The following PLXNA2 variants were observed in gnomAD, a reference collection of about 807,000 sequenced individuals.
PLXNA2 encodes the protein plexin-A2.
In PLXNA2, 91 loss-of-function variants were observed where a neutral mutation model predicts 193.5. The ratio of observed to expected loss-of-function variants is 0.47; its 90% CI spans 0.40 to 0.56. The LOEUF (loss-of-function observed/expected upper bound fraction) is 0.56, where lower values mean the gene tolerates loss of function less well. Ranked by LOEUF, PLXNA2 falls within the 20% of genes least tolerant of loss-of-function variation. The pLI, the probability that PLXNA2 is intolerant of heterozygous loss-of-function variation, is 0.00. For synonymous variants in PLXNA2, 997 were observed against 1,027.3 expected (o/e 0.97, Z 0.56); for missense variants, 1,995 against 2,503.2 (o/e 0.80, Z 4.33).
intron 3 of PLXNA2, among the ~76,000 whole-genome samples, chr1:208,144,027 G>A (rs776635738): frequency 1.3e-5 from 2 of 152,156 alleles, no homozygotes; most frequent in Non-Finnish European, 2.9e-5. Flanking sequence ...ACTCCTTAGG[G>A]CTGAATCAAA....
intron 14 of PLXNA2, 27 bp downstream of exon 14, chr1:208,054,394 G>A (rs1665358673): frequency 6.6e-7 from 1 of 1,505,604 alleles, no homozygotes; most frequent in Admixed American, 1.7e-5. Flanking sequence ...CTGGGCACCT[G>A]CACCTGGCCC....
At chr1:208,123,414 C>A (rs1281444171) in intron 4 of PLXNA2, among the ~76,000 whole-genome samples, 1 of 152,170 alleles carries the variant, frequency 6.6e-6, no homozygotes, top group Non-Finnish European at 1.5e-5. Context: ...CAGCTGGATT[C>A]TTTCATTTTT....
intron 1 of PLXNA2, among the ~76,000 whole-genome samples, chr1:208,240,044 T>C (rs1475525823): frequency 6.6e-6 from 1 of 152,230 alleles, no homozygotes; most frequent in Non-Finnish European, 1.5e-5. Context: ...AGGCGGTTAA[T>C]GGTTAACCAA....
chr1:208,071,363 C>T (rs1420635646), intron 12 of PLXNA2, among the ~76,000 whole-genome samples: 1 of 152,250 alleles, frequency 6.6e-6, no homozygotes, highest in East Asian at 1.9e-4. Flanking sequence ...ACAGCTTCTC[C>T]TCTCTTTCCT....
intron 26 of PLXNA2, among the ~76,000 whole-genome samples, chr1:208,036,649 C>A (rs1664678251): frequency 6.6e-6 from 1 of 152,186 alleles, no homozygotes; most frequent in Admixed American, 6.5e-5. Context: ...TCATCACAGT[C>A]TCCCAAAGGG....
rs537264075 is a variant in PLXNA2, at chr1:208,027,668, T to C, written c.5590-330A>G. Among the ~76,000 whole-genome samples, 4 of 152,354 alleles carry C rather than the reference T, an allele frequency of 2.6e-5. No individual in the cohort carries two copies. In the South Asian group the frequency reaches 8.3e-4, roughly 32 times the overall value. ...TAATCAATCTCTATTCATATTAGGG[T>C]CCACCTGTCTATCTGAAATGTAACT... On this transcript the variant is annotated intron_variant, in intron 31 of 31. Transcript: ENST00000367033.
chr1:208,039,473 T>A (rs1240746439), intron 24 of PLXNA2, 148 bp downstream of exon 24: 1 of 1,090,300 alleles, frequency 9.2e-7, no homozygotes, highest in Non-Finnish European at 1.3e-6. Flanking sequence ...ACCTTGCTCT[T>A]GGTACACTTA....
intron 4 of PLXNA2, among the ~76,000 whole-genome samples, chr1:208,113,379 C>G (rs531886267): frequency 1.3e-5 from 2 of 152,276 alleles, no homozygotes; most frequent in South Asian, 4.1e-4. Context: ...GAGCCTGAGT[C>G]TAGCCTTACC....
chr1:208,084,288 G>T (rs1395470607), intron 10 of PLXNA2, 92 bp downstream of exon 10: 1 of 1,349,960 alleles, frequency 7.4e-7, no homozygotes, highest in Non-Finnish European at 1.0e-6. Context: ...AACCTGGAAG[G>T]CTCCGGAAGC....
chr1:208,069,610 G>C (rs1462765961), intron 12 of PLXNA2, among the ~76,000 whole-genome samples: 6 of 152,130 alleles, frequency 3.9e-5, no homozygotes, highest in Non-Finnish European at 7.4e-5. Flanking sequence ...TGAGTGCTCA[G>C]GTGGGCTGTT....
intron 29 of PLXNA2, chr1:208,030,484 G>T (rs867108644): frequency 1.0e-6 from 1 of 965,792 alleles, no homozygotes; most frequent in South Asian, 5.0e-5. Context: ...GCCTGTCCTG[G>T]CAAAGTGGAC....
intron 4 of PLXNA2, among the ~76,000 whole-genome samples, chr1:208,131,188 T>C (rs1214168308): frequency 6.6e-6 from 1 of 152,146 alleles, no homozygotes; most frequent in Non-Finnish European, 1.5e-5. Context: ...CAATTGCGCT[T>C]GTCTCCAGGG....
intron 4 of PLXNA2, among the ~76,000 whole-genome samples, chr1:208,122,624 C>T (rs962799223): frequency 1.3e-5 from 2 of 151,890 alleles, no homozygotes; most frequent in East Asian, 1.9e-4. Context: ...AAGGAAAGCC[C>T]GTGAGATGCA....
intron 3 of PLXNA2, among the ~76,000 whole-genome samples, chr1:208,205,287 T>A (rs1031881651): frequency 6.6e-6 from 1 of 152,158 alleles, no homozygotes; most frequent in South Asian, 2.1e-4. Context: ...TTGCACTTAA[T>A]CTCTATCATC....
At chr1:208,193,203 C>T (rs1383262917) in intron 3 of PLXNA2, among the ~76,000 whole-genome samples, 1 of 152,190 alleles carries the variant, frequency 6.6e-6, no homozygotes, top group Non-Finnish European at 1.5e-5. Flanking sequence ...TTCATTTGCT[C>T]AAAGACAGCA....
At chr1:208,030,546 T>C (rs1456461378) in intron 29 of PLXNA2, 2 of 985,300 alleles carry the variant, frequency 2.0e-6, no homozygotes, top group Admixed American at 6.1e-5. Flanking sequence ...CACTCCACTG[T>C]GATCAAAGCT....
intron 5 of PLXNA2, among the ~76,000 whole-genome samples, chr1:208,100,682 ATGTT>A (rs1377765257): frequency 6.6e-6 from 1 of 152,196 alleles, no homozygotes; most frequent in East Asian, 1.9e-4. Context: ...TTTTAAATAA[ATGTT>A]TGTGTCACGA....
intron 4 of PLXNA2, among the ~76,000 whole-genome samples, chr1:208,106,814 T>C (rs555805236): frequency 6.6e-6 from 1 of 152,370 alleles, no homozygotes; most frequent in South Asian, 2.1e-4. Flanking sequence ...TTTATTTCTA[T>C]CTGACAGTGC....
At chr1:208,072,708 T>C (rs1489265813) in intron 12 of PLXNA2, among the ~76,000 whole-genome samples, 1 of 152,184 alleles carries the variant, frequency 6.6e-6, no homozygotes, top group Non-Finnish European at 1.5e-5. Context: ...AAGAAATGAC[T>C]GCCCCAAGCT....
Sources: allele counts gnomAD v4.1 joint callset (sites outside exome capture counted in the v4.1 genomes callset), GRCh38; gene constraint gnomAD v4.1.1; transcripts MANE v1.5; gene names NCBI Gene and HGNC (gene_info 2026-07-23, HGNC 2026-07-21).